The following HERC6 variants were observed in gnomAD, a reference collection of about 807,000 sequenced individuals.
The protein encoded by HERC6 is HECT and RLD domain containing E3 ubiquitin protein ligase family member 6, also known as probable E3 ubiquitin-protein ligase HERC6.
A neutral mutation model predicts 114.5 loss-of-function variants in HERC6; 101 were observed. That is an observed-to-expected ratio of 0.88 (90% CI 0.75 to 1.04). The LOEUF (loss-of-function observed/expected upper bound fraction) is 1.04. Among genes scored for constraint, HERC6 ranks in the 50% least tolerant of loss-of-function variants. The pLI is 0.00. For synonymous variants in HERC6, 408 were observed against 436.2 expected, an observed-to-expected ratio of 0.94 and a Z score of 0.81; for missense variants, 1,133 against 1,230.9, an observed-to-expected ratio of 0.92 and a Z score of 1.19.
rs1183704592 is a variant in HERC6 at position 88,379,025 on chromosome 4, C to G, written c.104C>G (p.Ser35Cys). 6.4e-7 allele frequency: 1 copy of G among 1,567,534 alleles called. No individual in the cohort carries two copies. The highest frequency in any genetic ancestry group is 1.9e-5 in the Admixed American group (1 of 53,254). The change falls in exon 1 of 23, where the codon TCT becomes TGT. Residue 35 changes from serine (S) to cysteine (C), a missense_variant. Around this residue, in one of 3 missense-constraint regions of HERC6, gnomAD observed 735 missense variants for 754.0 expected, o/e 0.97. Transcript: ENST00000264346. ...CAGGCGGCCAGCGGGGAGCGCCACT[C>G]TCTGCTGCTGCTGACCAACCACAGG... ...LLQAASGERH[S>C]LLLLTNHRVL...
At chr4:88,437,047 A>C (rs1738828700) in intron 19 of HERC6, 76 bp downstream of exon 19, 1 of 1,107,676 alleles carries the variant, frequency 9.0e-7, no homozygotes, top group African/African-American at 1.6e-5. Context: ...ATAGTATCTT[A>C]AATTTGGGAT....
rs1199833449 is a variant in HERC6, at chr4:88,431,312, C to G, written c.2250+7C>G. The G allele has an allele frequency of 4.4e-6, 7 of 1,574,990 alleles. No homozygotes were observed. In the African/African-American group the frequency reaches 8.3e-5, roughly 19 times the overall value. ...CATGTGGTTTCCTGCCAAGGTAAGT[C>G]TTTTCTTTTTTTTTTTTCCCCCAGA... On this transcript the variant is annotated splice_region_variant and intron_variant, in intron 17 of 22. Coordinates refer to ENST00000264346, the MANE Select transcript of HERC6 (RefSeq NM_017912.4).
chr4:88,413,482 T>C (rs573011213), intron 12 of HERC6, among the ~76,000 whole-genome samples: 1 of 152,300 alleles, frequency 6.6e-6, no homozygotes, highest in East Asian at 1.9e-4. Context: ...GGCTTTGACA[T>C]CAGAGTTTGG....
chr4:88,386,469 G>C (rs891607759), intron 3 of HERC6, among the ~76,000 whole-genome samples: 1 of 152,146 alleles, frequency 6.6e-6, no homozygotes, highest in African/African-American at 2.4e-5. Flanking sequence ...GTCTCCCAAA[G>C]TGCTAGGGTT....
rs1381886015 is a variant in HERC6 at position 88,379,105 on chromosome 4, C to G, written c.184C>G (p.Arg62Gly). Reference sequence around the variant, plus strand: ...TCAGCTGGGCCGCAGGGGCGCGCAGCGCGGGGAGCTGCCAGGTGAGCGGGG... The same window carrying G: ...TCAGCTGGGCCGCAGGGGCGCGCAGGGCGGGGAGCTGCCAGGTGAGCGGGG... ...RGQLGRRGAQ[R>G]GELPEPIQAL... Residue 62 changes from arginine to glycine, a missense_variant, in exon 1 of 23, where the codon CGC becomes GGC. Coordinates refer to ENST00000264346, the MANE Select transcript of HERC6 (RefSeq NM_017912.4). 1 of 1,542,442 alleles carries G rather than the reference C, an allele frequency of 6.5e-7. No homozygotes were observed. Among genetic ancestry groups the G allele is most frequent in the Non-Finnish European group, 8.7e-7 (1 of 1,145,734 alleles).
rs1172164675 is a variant in HERC6 at position 88,428,617 on chromosome 4, C to G, written c.1973C>G (p.Thr658Arg). The change falls in exon 16 of 23, where the codon ACA becomes AGA. Residue 658 changes from threonine to arginine, a missense_variant. Transcript: ENST00000264346. ...AAAGCATACATGCTTATGCATGAAACAATTCTGCAAAAAAAGGATGAATTT... is the reference window on the plus strand; with the variant it reads ...AAAGCATACATGCTTATGCATGAAAGAATTCTGCAAAAAAAGGATGAATTT... The part of the protein sequence containing the change: ...EKKAYMLMHE[T>R]ILQKKDEFPP... 5.6e-6 allele frequency: 9 copies of G among 1,607,554 alleles called. 1 individual carries two copies. The South Asian group carries it at 6.7e-5, about 12-fold the overall frequency.
Position 88,393,541 on chromosome 4 carries a change from T to A in HERC6, c.718T>A (p.Tyr240Asn). The change falls in exon 5 of 23, where the codon TAT (tyrosine) becomes AAT (asparagine). Residue 240 changes from tyrosine to asparagine, a missense_variant. This residue lies in a region of HERC6 where 735 missense variants were observed against 754.0 expected (regional missense o/e 0.97). Coordinates refer to ENST00000264346, the MANE Select transcript of HERC6 (RefSeq NM_017912.4). ...TGCACTGAAGAATCTAGGTGTGGTT[T>A]ATATCAGCTGTGGTGATGCACACAC... ...VGALKNLGVV[Y>N]ISCGDAHTAV... 1 of 1,612,950 alleles carries A rather than the reference T, an allele frequency of 6.2e-7. No individual in the cohort carries two copies. Among genetic ancestry groups the A allele is most frequent in the Non-Finnish European group, 8.5e-7 (1 of 1,179,284 alleles).
At chr4:88,416,216 G>C (rs1258958919) in intron 12 of HERC6, among the ~76,000 whole-genome samples, 1 of 152,210 alleles carries the variant, frequency 6.6e-6, no homozygotes, top group Non-Finnish European at 1.5e-5. Flanking sequence ...GTGGGTTGAA[G>C]TGCACCAGCA....
Position 88,442,515 on chromosome 4 carries a change from C to T in HERC6, c.*55C>T, listed in dbSNP as rs944332688. ...CTCACACTTGGATCCTTCTGTTCTTCCTTACACCTAAATAATACAAGAGAT... is the reference window on the plus strand; with the variant it reads ...CTCACACTTGGATCCTTCTGTTCTTTCTTACACCTAAATAATACAAGAGAT... On this transcript the variant is annotated 3_prime_UTR_variant, in exon 23 of 23. Transcript: ENST00000264346. 3 of 1,232,440 alleles carry T rather than the reference C, an allele frequency of 2.4e-6. No individual in the cohort carries two copies. In the African/African-American group the frequency reaches 4.5e-5, roughly 18 times the overall value. 76.3% of individuals were successfully genotyped at this position (1,232,440 alleles called of 1,614,324 possible). A position where few individuals can be genotyped will look rare whatever the true frequency, so the allele number is the denominator to read the frequency against.
At chr4:88,406,106 G>T (rs1735801888) in intron 10 of HERC6, among the ~76,000 whole-genome samples, 2 of 152,200 alleles carry the variant, frequency 1.3e-5, no homozygotes, top group South Asian at 4.1e-4. Flanking sequence ...CAATATTTGG[G>T]TCTTCTATTT....
At chr4:88,416,654 T>A (rs916771399) in intron 12 of HERC6, among the ~76,000 whole-genome samples, 16 of 152,092 alleles carry the variant, frequency 1.1e-4, no homozygotes, top group Non-Finnish European at 1.9e-4. Flanking sequence ...GAAGTTTATC[T>A]TGGTTAAACA....
chr4:88,391,020 G>A, intron 4 of HERC6, 141 bp downstream of exon 4: 1 of 659,134 alleles, frequency 1.5e-6, no homozygotes, highest in Non-Finnish European at 2.5e-6. Context: ...AGCTATATTA[G>A]TTTCTTGTTG....
At chr4:88,394,291 A>G (rs1164619894) in intron 5 of HERC6, among the ~76,000 whole-genome samples, 7 of 151,668 alleles carry the variant, frequency 4.6e-5, no homozygotes, top group South Asian at 2.1e-4. Flanking sequence ...TGGCCAACAT[A>G]GTGAAATCCC....
chr4:88,437,272 G>T (rs1175321368), intron 19 of HERC6, among the ~76,000 whole-genome samples: 1 of 151,984 alleles, frequency 6.6e-6, no homozygotes, highest in Non-Finnish European at 1.5e-5. Context: ...GGCCAGGCTG[G>T]TCTCTAACTC....
chr4:88,423,955 C>T lies in HERC6; in HGVS notation c.1809C>T (p.Leu603=). ...TTTATATAGATAGAGGAAGACAGCT[C>T]TTTCGGGATAACCACCTGGTAAGAA... ...LNFYIDRGRQ[L]FRDNHLIPAE... Residue 603 remains leucine (L), a synonymous_variant, in exon 14 of 23, where the codon CTC becomes CTT. Coordinates refer to ENST00000264346, the MANE Select transcript of HERC6 (RefSeq NM_017912.4). The T allele has an allele frequency of 6.6e-7, 1 of 1,505,592 alleles. No individual in the cohort carries two copies. The highest frequency in any genetic ancestry group is 9.0e-7 in the Non-Finnish European group (1 of 1,110,648). 93.3% of individuals were successfully genotyped at this position (1,505,592 alleles called of 1,614,324 possible).
Position 88,385,490 on chromosome 4 carries a change from G to A in HERC6, c.360-9G>A. 7.9e-7 allele frequency: 1 copy of A among 1,270,894 alleles called. No homozygotes were observed. Among genetic ancestry groups the A allele is most frequent in the South Asian group, 1.4e-5 (1 of 73,376 alleles). 78.7% of individuals were successfully genotyped at this position (1,270,894 alleles called of 1,614,324 possible). On this transcript the variant is annotated splice_polypyrimidine_tract_variant and intron_variant, in intron 2 of 22. Transcript: ENST00000264346. Reference sequence around the variant, plus strand: ...AGGATTAATCAATTTTGTATTATTTGTATTATAGGAAAATAATGACTCTGA... The same window carrying A: ...AGGATTAATCAATTTTGTATTATTTATATTATAGGAAAATAATGACTCTGA...
At position 88,380,387 on chromosome 4, in the gene HERC6, TATATAAATATATATATA is replaced by T. The variant is rs1299324161; in HGVS notation, c.199+1268_199+1284del. ...ATAATATATAAATATATATATATAA[TATATAAATATATATATA>T]TAATATATAAATATATATATATACA... On this transcript the variant is annotated intron_variant, in intron 1 of 22. Coordinates refer to ENST00000264346, the MANE Select transcript of HERC6 (RefSeq NM_017912.4). 1.1e-4 allele frequency among the ~76,000 whole-genome samples: 10 copies of T among 93,088 alleles called. No homozygotes were observed. The South Asian group carries it at 1.6e-3, about 15-fold the overall frequency. The allele number at this position is 93,088 out of a possible 152,430, so 61.1% of individuals were successfully genotyped here. A position where few individuals can be genotyped will look rare whatever the true frequency, so the allele number is the denominator to read the frequency against.
In HERC6 at chr4:88,400,386, G is replaced by T. The variant is rs186414882; in HGVS notation, c.1092+2177G>T. Among the ~76,000 whole-genome samples the T allele has an allele frequency of 3.2e-4, 48 of 152,098 alleles. No individual in the cohort carries two copies. In the East Asian group the frequency reaches 4.8e-3, roughly 15 times the overall value. Reference sequence around the variant, plus strand: ...CCAGCTGGTTTTTTTTTGTAGAGACGGCGTTTCGCCATGTTGCTCAGGCTG... The same window carrying T: ...CCAGCTGGTTTTTTTTTGTAGAGACTGCGTTTCGCCATGTTGCTCAGGCTG... On this transcript the variant is annotated intron_variant, in intron 8 of 22. Coordinates refer to ENST00000264346, the MANE Select transcript of HERC6 (RefSeq NM_017912.4).
At chr4:88,435,498 T>A (rs1738641451) in intron 17 of HERC6, among the ~76,000 whole-genome samples, 1 of 152,150 alleles carries the variant, frequency 6.6e-6, no homozygotes, top group South Asian at 2.1e-4. Flanking sequence ...TAAAATGAAT[T>A]CATTTATTTA....
Sources: gnomAD v4.1 joint callset for allele counts (sites outside exome capture counted in the v4.1 genomes callset) on GRCh38, gnomAD v4.1.1 for gene constraint, gnomAD v4.1.1 regional missense constraint, MANE v1.5 for transcripts, NCBI Gene and HGNC (gene_info 2026-07-23, HGNC 2026-07-21) for gene names.